IFT88: variants seen among roughly 807,000 people sequenced by gnomAD.
IFT88 encodes the protein intraflagellar transport protein 88 homolog.
A neutral mutation model predicts 119.5 loss-of-function variants in IFT88; 74 were observed. The ratio of observed to expected loss-of-function variants is 0.62; its 90% confidence interval spans 0.51 to 0.75. The LOEUF (loss-of-function observed/expected upper bound fraction) is 0.75, where lower values mean the gene tolerates loss of function less well. Ranked by LOEUF, IFT88 falls within the 30% of genes least tolerant of loss-of-function variation. The probability of loss-of-function intolerance (pLI) is 0.00; values close to 1 mark genes in which losing one functional copy is unlikely to be tolerated. For missense variants in IFT88, 961 were observed against 977.7 expected (o/e 0.98, Z 0.23); for synonymous variants, 279 against 316.7 (o/e 0.88, Z 1.26).
chr13:20,645,983 T>TA (rs2050689901), intron 20 of IFT88, among the ~76,000 whole-genome samples: 2 of 152,230 alleles, frequency 1.3e-5, no homozygotes, highest in African/African-American at 4.8e-5. Flanking sequence ...ATTTCAGTAA[T>TA]ACACTGTAAG....
chr13:20,578,146 G>A (rs1181773259), intron 2 of IFT88, among the ~76,000 whole-genome samples: 3 of 135,438 alleles, frequency 2.2e-5, no homozygotes, highest in Non-Finnish European at 4.6e-5. Context: ...CCAGGTTCAC[G>A]CCATCCTCTT....
intron 20 of IFT88, among the ~76,000 whole-genome samples, chr13:20,650,362 G>GA (rs2051432725): frequency 6.6e-6 from 1 of 151,978 alleles, no homozygotes; most frequent in African/African-American, 2.4e-5. Flanking sequence ...ATAGAATGAA[G>GA]AAAAAACCCA....
At chr13:20,669,911 T>G (rs1225749764) in intron 23 of IFT88, among the ~76,000 whole-genome samples, 4 of 152,202 alleles carry the variant, frequency 2.6e-5, no homozygotes, top group African/African-American at 9.6e-5. Flanking sequence ...GTGCTTTTCC[T>G]TTTAATGGAA....
chr13:20,652,945 GC>G (rs112056250), intron 20 of IFT88, among the ~76,000 whole-genome samples: 5 of 152,304 alleles, frequency 3.3e-5, no homozygotes, highest in Middle Eastern at 3.4e-3. Flanking sequence ...GTGTGAATTT[GC>G]TGTAACATGA....
At chr13:20,611,584 A>G (rs2044545037) in intron 13 of IFT88, among the ~76,000 whole-genome samples, 1 of 150,262 alleles carries the variant, frequency 6.7e-6, no homozygotes, top group Non-Finnish European at 1.5e-5. Flanking sequence ...AGATAGGGAT[A>G]TCCGACTTTT....
Position 20,671,057 on chromosome 13 carries a change from C to T in IFT88, c.2242+18C>T. The T allele has an allele frequency of 6.2e-7, 1 of 1,608,482 alleles. No individual in the cohort carries two copies. The highest frequency in any genetic ancestry group is 8.5e-7 in the Non-Finnish European group (1 of 1,176,112). ...TAGCGGTGGTAAGTATTTTCTCTTT[C>T]CCTGAAAAACTTGGTTTCCACATTT... On this transcript the variant is annotated intron_variant, in intron 24 of 25. Transcript: ENST00000351808.
At chr13:20,612,574 A>G (rs1375198016) in intron 13 of IFT88, among the ~76,000 whole-genome samples, 3 of 152,228 alleles carry the variant, frequency 2.0e-5, no homozygotes, top group East Asian at 3.8e-4. Flanking sequence ...AAATTAATGT[A>G]CAGATTCAGT....
intron 2 of IFT88, among the ~76,000 whole-genome samples, chr13:20,580,601 A>G (rs964244922): frequency 3.9e-5 from 6 of 152,296 alleles, no homozygotes; most frequent in African/African-American, 1.4e-4. Context: ...CTGCTATTGT[A>G]GATAACATTG....
intron 2 of IFT88, among the ~76,000 whole-genome samples, chr13:20,580,714 TTTC>T (rs1477855710): frequency 6.8e-6 from 1 of 146,706 alleles, no homozygotes. Flanking sequence ...TCATGAAGAT[TTTC>T]TTTTTTCTTT....
intron 3 of IFT88, among the ~76,000 whole-genome samples, chr13:20,585,302 C>A (rs192783828): frequency 5.2e-4 from 79 of 152,306 alleles, no homozygotes; most frequent in African/African-American, 1.8e-3. Context: ...TCAAAGAACT[C>A]ACTGAAATCT....
chr13:20,574,426 A>G lies in IFT88; in HGVS notation c.41A>G (p.Asp14Gly). ...CACCTGGCTCCAGAGACAGATGAAG[A>G]TGATCTTTATTCCGGCTATAATGAC... Reference protein sequence around the residue: ...NVHLAPETDEDDLYSGYNDYN... With the variant: ...NVHLAPETDEGDLYSGYNDYN... Residue 14 changes from aspartate (D) to glycine (G), a missense_variant, in exon 2 of 26, where the codon GAT (aspartate) becomes GGT (glycine). Coordinates refer to ENST00000351808, the MANE Select transcript of IFT88 (RefSeq NM_006531.5). 3 of 1,612,386 alleles carry G rather than the reference A, an allele frequency of 1.9e-6. No individual in the cohort carries two copies. Among genetic ancestry groups the G allele is most frequent in the Non-Finnish European group, 1.7e-6 (2 of 1,178,912 alleles).
chr13:20,646,948 A>C (rs1242878131), intron 20 of IFT88, among the ~76,000 whole-genome samples: 5 of 151,508 alleles, frequency 3.3e-5, no homozygotes, highest in Non-Finnish European at 7.4e-5. Context: ...ATTCCTTTAC[A>C]CAGGCTGTGA....
At chr13:20,684,157 C>T (rs927735865) in intron 24 of IFT88, among the ~76,000 whole-genome samples, 2 of 152,180 alleles carry the variant, frequency 1.3e-5, no homozygotes, top group African/African-American at 4.8e-5. Context: ...TGAGTATATT[C>T]TAACAGAGAA....
Position 20,589,850 on chromosome 13 carries a change from A to G in IFT88, c.193A>G (p.Ile65Val), listed in dbSNP as rs757504073. ...ATCAAGCACGGCAGTTACTAGACCTATAGCTACTGGATATGGGGTAGGTTT... is the reference window on the plus strand; with the variant it reads ...ATCAAGCACGGCAGTTACTAGACCTGTAGCTACTGGATATGGGGTAGGTTT... ...KISSTAVTRPIATGYGSKTSL... is the reference protein window; with the variant it reads ...KISSTAVTRPVATGYGSKTSL... The change falls in exon 4 of 26, where the codon ATA becomes GTA. Residue 65 changes from isoleucine to valine, a missense_variant. Ile to Val is a conservative substitution (Grantham distance 29). Transcript: ENST00000351808. The G allele has an allele frequency of 5.0e-6, 8 of 1,597,292 alleles. No homozygotes were observed. The highest frequency in any genetic ancestry group is 1.3e-5 in the African/African-American group (1 of 74,716).
intron 3 of IFT88, 67 bp from the exon 4 acceptor site, chr13:20,589,734 TTTTCTATTTC>T (rs1298239067): frequency 9.4e-6 from 7 of 743,524 alleles, no homozygotes; most frequent in Non-Finnish European, 1.5e-5. Flanking sequence ...TGAGTCTATA[TTTTCTATTTC>T]TTTTCCAGTT....
chr13:20,586,794 C>T (rs1288106273), intron 3 of IFT88, among the ~76,000 whole-genome samples: 2 of 152,146 alleles, frequency 1.3e-5, no homozygotes, highest in Non-Finnish European at 2.9e-5. Context: ...AACATGTATA[C>T]AAATTAAAAT....
chr13:20,595,275 T>A (rs1364144414), intron 7 of IFT88, among the ~76,000 whole-genome samples: 1 of 151,736 alleles, frequency 6.6e-6, no homozygotes, highest in Non-Finnish European at 1.5e-5. Context: ...ACCTGTCGTT[T>A]ATTTTTATTT....
At chr13:20,625,498 G>A (rs1264413355) in intron 14 of IFT88, among the ~76,000 whole-genome samples, 1 of 152,166 alleles carries the variant, frequency 6.6e-6, no homozygotes, top group Non-Finnish European at 1.5e-5. Flanking sequence ...AAATGAGAAT[G>A]TAGGTATCAG....
chr13:20,569,490 G>A (rs556215716), intron 1 of IFT88, among the ~76,000 whole-genome samples: 9 of 151,746 alleles, frequency 5.9e-5, no homozygotes, highest in East Asian at 3.9e-4. Flanking sequence ...GGAGAATGGC[G>A]TGAACTCGGG....
Sources: allele counts gnomAD v4.1 joint callset (sites outside exome capture counted in the v4.1 genomes callset), GRCh38; gene constraint gnomAD v4.1.1; transcripts MANE v1.5; gene names NCBI Gene and HGNC (gene_info 2026-07-23, HGNC 2026-07-21).